OTOA: variants seen among roughly 807,000 people sequenced by gnomAD.
The protein encoded by OTOA is cancer/testis antigen 108.
In OTOA, 70 loss-of-function variants were observed where a neutral mutation model predicts 110.8. The ratio of observed to expected loss-of-function variants is 0.63; its 90% CI spans 0.52 to 0.77. The LOEUF (loss-of-function observed/expected upper bound fraction) is 0.77. Ranked by LOEUF, OTOA falls within the 30% of genes least tolerant of loss-of-function variation. The pLI is 0.00. For synonymous variants in OTOA, 373 were observed against 431.5 expected, an observed-to-expected ratio of 0.86 and a Z score of 1.68; for missense variants, 917 against 1,075.8, an observed-to-expected ratio of 0.85 and a Z score of 2.06.
chr16:21,699,472 CA>C (rs1207221670), intron 10 of OTOA, among the ~76,000 whole-genome samples: 2 of 151,758 alleles, frequency 1.3e-5, no homozygotes, highest in Non-Finnish European at 2.9e-5. Flanking sequence ...CTCATCTCTA[CA>C]AAAAAATTTA....
At chr16:21,736,651 C>T (rs1357186153) in intron 22 of OTOA, among the ~76,000 whole-genome samples, 41 of 152,116 alleles carry the variant, frequency 2.7e-4, no homozygotes, top group Non-Finnish European at 4.9e-4. Flanking sequence ...GCCAACATGG[C>T]GAAACCCTGT....
intron 15 of OTOA, 143 bp from the exon 16 acceptor site, chr16:21,718,990 T>C: frequency 1.2e-6 from 1 of 806,954 alleles, no homozygotes; most frequent in South Asian, 1.4e-5. Context: ...AATGGTCTAG[T>C]CCTAGGTAAC....
At chr16:21,689,344 A>G (rs529516344) in intron 8 of OTOA, among the ~76,000 whole-genome samples, 1 of 152,124 alleles carries the variant, frequency 6.6e-6, no homozygotes, top group East Asian at 1.9e-4. Context: ...TAAGATGTAT[A>G]TAAATGAAAC....
chr16:21,712,203 C>T (rs897837618), intron 13 of OTOA, among the ~76,000 whole-genome samples: 3 of 151,792 alleles, frequency 2.0e-5, no homozygotes, highest in Non-Finnish European at 2.9e-5. Context: ...GGTGCACACC[C>T]GTAATTTCAG....
chr16:21,672,863 T>C (rs1020690579), intron 1 of OTOA, among the ~76,000 whole-genome samples: 2 of 151,978 alleles, frequency 1.3e-5, no homozygotes, highest in Non-Finnish European at 2.9e-5. Flanking sequence ...AAAACAATTG[T>C]GTGGCCAGGG....
At chr16:21,704,968 T>C (rs1267435632) in intron 11 of OTOA, 1 of 848,446 alleles carries the variant, frequency 1.2e-6, no homozygotes, top group Non-Finnish European at 2.1e-6. Context: ...TCAGCCCCCA[T>C]TCCTTGGTCT....
intron 27 of OTOA, among the ~76,000 whole-genome samples, chr16:21,756,448 G>A (rs1383835481): frequency 6.6e-6 from 1 of 152,046 alleles, no homozygotes; most frequent in African/African-American, 2.4e-5. Flanking sequence ...CAAAGCCCAC[G>A]GAGGCTGTGT....
At chr16:21,749,989 C>T (rs1251239074) in intron 24 of OTOA, among the ~76,000 whole-genome samples, 3 of 150,052 alleles carry the variant, frequency 2.0e-5, no homozygotes, top group African/African-American at 4.8e-5. Flanking sequence ...CCAGCCCAGA[C>T]TTTATTTTGT....
intron 1 of OTOA, among the ~76,000 whole-genome samples, chr16:21,677,660 T>G (rs1488530945): frequency 6.6e-6 from 1 of 151,820 alleles, no homozygotes; most frequent in Non-Finnish European, 1.5e-5. Flanking sequence ...TTTTTTGTAT[T>G]TTTATTAGAG....
intron 1 of OTOA, among the ~76,000 whole-genome samples, chr16:21,673,043 G>A (rs982834660): frequency 2.0e-5 from 3 of 152,148 alleles, no homozygotes; most frequent in Non-Finnish European, 4.4e-5. Flanking sequence ...AGCTTCTCAG[G>A]AGGCTGAGAC....
chr16:21,726,551 T>C lies in OTOA; in HGVS notation c.1909T>C (p.Ser637Pro), dbSNP rs200269833. ...CCGCTACCTGGCTTCTGTCCCAGCC[T>C]CCCAGTGTGTGCCCTTTCTGATCAG... is the stretch of plus-strand genomic sequence containing the variant. ...PARYLASVPA[S>P]QCVPFLISLG... Residue 637 changes from serine (S) to proline (P), a missense_variant, in exon 19 of 29, where the codon TCC becomes CCC. This residue lies in a region of OTOA where 840 missense variants were observed against 910.2 expected (regional missense o/e 0.92). Coordinates refer to ENST00000646100, the MANE Select transcript of OTOA (RefSeq NM_144672.4). 6.1e-5 allele frequency: 99 copies of C among 1,613,924 alleles called. No individual in the cohort carries two copies. The highest frequency in any genetic ancestry group is 8.1e-5 in the Non-Finnish European group (96 of 1,180,028).
chr16:21,668,868 G>A (rs1966845471), intron 1 of OTOA, among the ~76,000 whole-genome samples: 1 of 151,804 alleles, frequency 6.6e-6, no homozygotes, highest in Admixed American at 6.6e-5. Context: ...GTAATATATT[G>A]GCTAAAGAAA....
Position 21,712,615 on chromosome 16 carries a change from C to G in OTOA, c.1321-2370C>G, listed in dbSNP as rs186699238. Among the ~76,000 whole-genome samples, 34 of 151,550 alleles carry G rather than the reference C, an allele frequency of 2.2e-4. 1 individual carries two copies. Among genetic ancestry groups the G allele is most frequent in the African/African-American group, 8.0e-4 (33 of 41,306 alleles). On this transcript the variant is annotated intron_variant, in intron 13 of 28. Coordinates refer to ENST00000646100, the MANE Select transcript of OTOA (RefSeq NM_144672.4). ...CAGCACTTTGGGAGGCCGAGACAGG[C>G]AGATCACGAGGTCAGGAGATCAAGA...
At chr16:21,700,409 C>A (rs1241798826) in intron 10 of OTOA, among the ~76,000 whole-genome samples, 3 of 152,106 alleles carry the variant, frequency 2.0e-5, no homozygotes, top group Admixed American at 2.0e-4. Context: ...ACTAAAGTAG[C>A]AGTTACAGAC....
chr16:21,695,887 A>ATTT (rs1205590889), intron 9 of OTOA, among the ~76,000 whole-genome samples: 745 of 61,456 alleles, frequency 0.012, 36 homozygotes, highest in African/African-American at 0.022. Context: ...ATATATATAT[A>ATTT]TATATTTTTT....
intron 11 of OTOA, among the ~76,000 whole-genome samples, chr16:21,703,421 A>T (rs1220478578): frequency 6.6e-6 from 1 of 152,056 alleles, no homozygotes; most frequent in Non-Finnish European, 1.5e-5. Context: ...AGATCCTCCA[A>T]GTTCATCCAT....
intron 1 of OTOA, among the ~76,000 whole-genome samples, chr16:21,671,101 A>G (rs546825446): frequency 2.5e-4 from 38 of 152,282 alleles, no homozygotes; most frequent in African/African-American, 8.9e-4. Flanking sequence ...TCAAAACAGC[A>G]TCTGTTTGAA....
rs947307837 is a variant in OTOA, at chr16:21,683,861, C to G, written c.268-1369C>G. Among the ~76,000 whole-genome samples the G allele has an allele frequency of 5.9e-5, 9 of 151,498 alleles. 1 individual carries two copies. In the South Asian group the frequency reaches 1.9e-3, roughly 32 times the overall value. ...TCAGCTCACCACAACCTCCTCCTCC[C>G]AGGTTCAAGCAATTCTCCTGCCTCA... On this transcript the variant is annotated intron_variant, in intron 6 of 28. Transcript: ENST00000646100.
chr16:21,749,265 G>A (rs1245273931), intron 24 of OTOA, among the ~76,000 whole-genome samples: 4 of 137,374 alleles, frequency 2.9e-5, no homozygotes, highest in African/African-American at 9.9e-5. Context: ...GGTGGCTCAT[G>A]CCTGTGATCC....
Sources: allele counts gnomAD v4.1 joint callset (sites outside exome capture counted in the v4.1 genomes callset), GRCh38; gene constraint gnomAD v4.1.1; regional missense constraint gnomAD v4.1.1; transcripts MANE v1.5; gene names NCBI Gene and HGNC (gene_info 2026-07-23, HGNC 2026-07-21).